Variants in PPP1R16B observed in about 807,000 individuals in gnomAD.
PPP1R16B encodes the protein protein phosphatase 1 regulatory subunit 16B, also known as protein phosphatase 1 regulatory inhibitor subunit 16B.
Under a neutral mutation model 61.7 loss-of-function variants are expected in PPP1R16B, and 14 were observed. The observed-to-expected ratio is 0.23, with a 90% CI of 0.15 to 0.35. The LOEUF (loss-of-function observed/expected upper bound fraction) is 0.35. Among genes scored for constraint, PPP1R16B ranks in the 10% least tolerant of loss-of-function variants. The pLI is 1.00. For missense variants in PPP1R16B, 547 were observed against 752.5 expected (o/e 0.73, Z 3.19); for synonymous variants, 266 against 305.3 (o/e 0.87, Z 1.34).
chr20:38,841,388 C>T (rs948145022), intron 2 of PPP1R16B, among the ~76,000 whole-genome samples: 2 of 148,554 alleles, frequency 1.3e-5, no homozygotes, highest in East Asian at 2.0e-4. Flanking sequence ...AAAAGCCAGC[C>T]GTGGTGGCAC....
At chr20:38,838,096 T>G (rs1337200292) in intron 2 of PPP1R16B, 2 of 152,174 alleles carry the variant, frequency 1.3e-5, no homozygotes, top group Non-Finnish European at 2.9e-5. Context: ...GCCTTATAGG[T>G]TTGCTTCCTG....
intron 10 of PPP1R16B, among the ~76,000 whole-genome samples, chr20:38,913,491 G>C (rs1320568412): frequency 6.6e-6 from 1 of 152,036 alleles, no homozygotes; most frequent in Non-Finnish European, 1.5e-5. Flanking sequence ...TCAATCCCTT[G>C]ACCTTGTGAT....
chr20:38,879,770 CCTT>C (rs1019180451), intron 2 of PPP1R16B, among the ~76,000 whole-genome samples: 4 of 152,148 alleles, frequency 2.6e-5, no homozygotes, highest in Non-Finnish European at 1.5e-5. Context: ...TCTGTCAACC[CCTT>C]CTGTCTAGCA....
At chr20:38,893,763 C>G (rs1403582301) in intron 3 of PPP1R16B, among the ~76,000 whole-genome samples, 1 of 152,122 alleles carries the variant, frequency 6.6e-6, no homozygotes, top group East Asian at 1.9e-4. Flanking sequence ...CTGGTCCAGC[C>G]CCTGGACATC....
rs778672468 is a variant in PPP1R16B at position 38,920,979 on chromosome 20, GT to G, written c.*2317del. The G allele has an allele frequency of 6.6e-6, 1 of 152,200 alleles. No individual in the cohort carries two copies. Among genetic ancestry groups the G allele is most frequent in the Non-Finnish European group, 1.5e-5 (1 of 68,030 alleles). 9.4% of individuals were successfully genotyped at this position (152,200 alleles called of 1,614,324 possible). On this transcript the variant is annotated 3_prime_UTR_variant, in exon 11 of 11. Transcript: ENST00000299824. ...TGCTCCTCAGGAGAGAGCTGTTTAG[GT>G]TTTCCGATCTTTTTGCTCAGGGGCC... is the stretch of plus-strand genomic sequence containing the variant.
chr20:38,860,006 C>T (rs1032618650), intron 2 of PPP1R16B, among the ~76,000 whole-genome samples: 4 of 151,850 alleles, frequency 2.6e-5, no homozygotes, highest in African/African-American at 9.7e-5. Flanking sequence ...GGAGTTTCAC[C>T]CTTGTCACCC....
chr20:38,906,304 T>TG (rs1568683883), intron 7 of PPP1R16B, among the ~76,000 whole-genome samples: 1 of 143,880 alleles, frequency 7.0e-6, no homozygotes, highest in Admixed American at 6.9e-5. Context: ...TTTTTTTTTT[T>TG]TTTTTTTGAG....
intron 2 of PPP1R16B, among the ~76,000 whole-genome samples, chr20:38,875,764 G>A (rs951409317): frequency 6.6e-6 from 1 of 151,852 alleles, no homozygotes; most frequent in African/African-American, 2.4e-5. Flanking sequence ...TAGAGACAGT[G>A]GGGACAGCCA....
chr20:38,907,777 C>G lies in PPP1R16B; in HGVS notation c.899-29C>G. On this transcript the variant is annotated intron_variant, in intron 8 of 10. Coordinates refer to ENST00000299824, the MANE Select transcript of PPP1R16B (RefSeq NM_015568.4). This position sits in a 1 kb window ranked among gnomAD's most constrained non-coding sequence, Gnocchi z 4.5. ...TTGCGCCACAGGTCCTGGCCCCGTCCCCCACAACAGACTCCTCTGCCCCTT... is the reference window on the plus strand; with the variant it reads ...TTGCGCCACAGGTCCTGGCCCCGTCGCCCACAACAGACTCCTCTGCCCCTT... 6.2e-7 allele frequency: 1 copy of G among 1,613,154 alleles called. No individual in the cohort carries two copies. Among genetic ancestry groups the G allele is most frequent in the South Asian group, 1.1e-5 (1 of 90,886 alleles).
At chr20:38,828,743 A>T (rs1431663966) in intron 1 of PPP1R16B, among the ~76,000 whole-genome samples, 2 of 152,344 alleles carry the variant, frequency 1.3e-5, no homozygotes, top group Non-Finnish European at 1.5e-5. Context: ...TGCTGGGCTC[A>T]GGCCGCTGCT....
chr20:38,854,472 T>A lies in PPP1R16B; in HGVS notation c.250+18297T>A, dbSNP rs2084990346. Among the ~76,000 whole-genome samples the A allele has an allele frequency of 2.6e-5, 4 of 152,206 alleles. No homozygotes were observed. In the South Asian group the frequency reaches 6.2e-4, roughly 24 times the overall value. Reference sequence around the variant, plus strand: ...TCAGCCAGATGGAAGAAATTATTAGTTCACAAATGCAGTGTGCTCAGTAAT... The same window carrying A: ...TCAGCCAGATGGAAGAAATTATTAGATCACAAATGCAGTGTGCTCAGTAAT... On this transcript the variant is annotated intron_variant, in intron 2 of 10. Transcript: ENST00000299824.
chr20:38,895,175 C>T (rs1319388904), intron 3 of PPP1R16B, among the ~76,000 whole-genome samples: 1 of 152,186 alleles, frequency 6.6e-6, no homozygotes. Flanking sequence ...ATTTACTGGT[C>T]ATCTAAGTGA....
intron 1 of PPP1R16B, 26 bp from the exon 2 acceptor site, chr20:38,835,799 C>T (rs1402215761): frequency 1.7e-6 from 2 of 1,142,916 alleles, no homozygotes; most frequent in Non-Finnish European, 2.4e-6. Context: ...CACATGTGTT[C>T]ATCTGTGTCT....
chr20:38,916,652 T>G (rs2085543710), intron 10 of PPP1R16B, among the ~76,000 whole-genome samples: 1 of 151,850 alleles, frequency 6.6e-6, no homozygotes, highest in African/African-American at 2.4e-5. Flanking sequence ...TCTAAAAATT[T>G]TTATCATTAT....
chr20:38,855,933 TATATATATATAGAGAG>T (rs1386632647), intron 2 of PPP1R16B, among the ~76,000 whole-genome samples: 7 of 48,330 alleles, frequency 1.4e-4, no homozygotes, highest in Admixed American at 2.5e-4. Flanking sequence ...TATATATATA[TATATATATATAGAGAG>T]AGAGAGAGAG....
rs902784254 is a variant in PPP1R16B at position 38,922,564 on chromosome 20, G to A, written c.*3898G>A. 6.5e-5 allele frequency: 10 copies of A among 152,698 alleles called. No homozygotes were observed. The South Asian group carries it at 1.0e-3, about 16-fold the overall frequency. The allele number at this position is 152,698 out of a possible 1,614,324, so 9.5% of individuals were successfully genotyped here. A position where few individuals can be genotyped will look rare whatever the true frequency, so the allele number is the denominator to read the frequency against. On this transcript the variant is annotated 3_prime_UTR_variant, in exon 11 of 11. Transcript: ENST00000299824. The stretch of plus-strand genomic sequence containing the variant: ...TCTCCCCAACAGGTCTCTCTTGTTG[G>A]CCAGAGGGCCTGCTTCCCATGGGCA...
chr20:38,889,798 C>T, intron 3 of PPP1R16B, 133 bp downstream of exon 3: 3 of 929,858 alleles, frequency 3.2e-6, no homozygotes, highest in South Asian at 1.4e-5. Context: ...TGCAGCTGGC[C>T]CATCTGAAAG....
chr20:38,908,804 G>T (rs1292649742), intron 10 of PPP1R16B, among the ~76,000 whole-genome samples: 1 of 152,074 alleles, frequency 6.6e-6, no homozygotes, highest in East Asian at 1.9e-4. Context: ...AGTTCTGAAG[G>T]CCAGAAGTCT....
At chr20:38,848,024 A>G (rs2084945962) in intron 2 of PPP1R16B, among the ~76,000 whole-genome samples, 1 of 152,168 alleles carries the variant, frequency 6.6e-6, no homozygotes. Context: ...TTTTGTAAAT[A>G]AAGTTTTATT....
Sources: gnomAD v4.1 joint callset for allele counts (sites outside exome capture counted in the v4.1 genomes callset) on GRCh38, gnomAD v4.1.1 for gene constraint, Gnocchi (gnomAD v3.1) non-coding constraint, MANE v1.5 for transcripts, NCBI Gene and HGNC (gene_info 2026-07-23, HGNC 2026-07-21) for gene names.